The following PDE2A variants were observed in gnomAD, a reference collection of about 807,000 sequenced individuals.
PDE2A encodes cGMP-dependent 3',5'-cyclic phosphodiesterase.
In PDE2A, 53 loss-of-function variants were observed where a neutral mutation model predicts 133.6. The observed-to-expected ratio is 0.40, with a 90% CI of 0.32 to 0.50. PDE2A has a LOEUF of 0.50. PDE2A is among the 20% of genes least tolerant of loss of function. The pLI is 0.73. For missense variants in PDE2A, 796 were observed against 1,232.4 expected, an observed-to-expected ratio of 0.65 and a Z score of 5.30; for synonymous variants, 491 against 490.2, an observed-to-expected ratio of 1.00 and a Z score of -0.02.
intron 1 of PDE2A, among the ~76,000 whole-genome samples, chr11:72,655,783 G>T (rs1023691981): frequency 6.6e-6 from 1 of 152,040 alleles, no homozygotes; most frequent in Non-Finnish European, 1.5e-5. Context: ...GTTACTGTGA[G>T]TGTGTGTGCC....
At chr11:72,673,129 C>A (rs975182277) in intron 1 of PDE2A, among the ~76,000 whole-genome samples, 1 of 152,150 alleles carries the variant, frequency 6.6e-6, no homozygotes, top group Non-Finnish European at 1.5e-5. Flanking sequence ...AATACACACA[C>A]ATAAATGCAC....
At chr11:72,636,451 T>C (rs957357692) in intron 2 of PDE2A, among the ~76,000 whole-genome samples, 1 of 152,218 alleles carries the variant, frequency 6.6e-6, no homozygotes, top group African/African-American at 2.4e-5. Context: ...CAAGTTCCCA[T>C]GTTACAGGTG....
intron 2 of PDE2A, among the ~76,000 whole-genome samples, chr11:72,618,377 C>A (rs1857581334): frequency 6.6e-6 from 1 of 152,220 alleles, no homozygotes; most frequent in Admixed American, 6.5e-5. Context: ...TCCAGAAACC[C>A]CCAGCCCTCT....
intron 27 of PDE2A, 121 bp from the exon 28 acceptor site, chr11:72,579,130 G>A: frequency 1.1e-6 from 1 of 945,808 alleles, no homozygotes; most frequent in Middle Eastern, 2.1e-4. Flanking sequence ...TGGGAGCCAA[G>A]GGGCCAGTGC....
At chr11:72,596,672 T>G (rs946630526) in intron 5 of PDE2A, 24 bp from the exon 6 acceptor site, 1 of 1,404,118 alleles carries the variant, frequency 7.1e-7, no homozygotes, top group Non-Finnish European at 9.4e-7. Context: ...GGCAATGAGG[T>G]GCTCCTGCAG....
intron 2 of PDE2A, among the ~76,000 whole-genome samples, chr11:72,611,635 A>C (rs1391920858): frequency 1.3e-5 from 2 of 152,186 alleles, no homozygotes; most frequent in African/African-American, 4.8e-5. Context: ...AGGGCTTCCC[A>C]TCTGTGCTAG....
intron 26 of PDE2A, 74 bp downstream of exon 26, chr11:72,579,460 C>G: frequency 6.4e-7 from 1 of 1,557,844 alleles, no homozygotes; most frequent in Non-Finnish European, 8.8e-7. Flanking sequence ...AGCCTCCACT[C>G]CTTGGCTCCT....
intron 2 of PDE2A, among the ~76,000 whole-genome samples, chr11:72,637,733 C>A (rs1858765191): frequency 6.6e-6 from 1 of 152,234 alleles, no homozygotes; most frequent in Non-Finnish European, 1.5e-5. Flanking sequence ...GAGGAGCTGG[C>A]TGTGCATTCA....
At chr11:72,581,790 G>T in intron 22 of PDE2A, 87 bp downstream of exon 22, 1 of 1,266,462 alleles carries the variant, frequency 7.9e-7, no homozygotes, top group Non-Finnish European at 1.2e-6. Flanking sequence ...TCCTTAGAGA[G>T]ATCCTCTCCA....
At chr11:72,585,823 A>C (rs1432113602) in intron 14 of PDE2A, among the ~76,000 whole-genome samples, 1 of 152,224 alleles carries the variant, frequency 6.6e-6, no homozygotes, top group African/African-American at 2.4e-5. Flanking sequence ...CCTTCACGCC[A>C]GCTCTAGCTG....
At chr11:72,605,326 G>C (rs900960499) in intron 3 of PDE2A, 100 bp from the exon 4 acceptor site, 3 of 531,614 alleles carry the variant, frequency 5.6e-6, no homozygotes, top group Middle Eastern at 5.6e-4. Flanking sequence ...CATGGAACCT[G>C]TGGGAGTGGA....
At chr11:72,613,864 C>A (rs759737413) in intron 2 of PDE2A, among the ~76,000 whole-genome samples, 1 of 152,162 alleles carries the variant, frequency 6.6e-6, no homozygotes, top group African/African-American at 2.4e-5. Context: ...TATACACAGC[C>A]TCTTATCTTC....
At chr11:72,580,803 C>T in intron 24 of PDE2A, 83 bp downstream of exon 24, 1 of 1,028,858 alleles carries the variant, frequency 9.7e-7, no homozygotes, top group Non-Finnish European at 1.5e-6. Context: ...CTCACTCGCT[C>T]CCACCCATCT....
chr11:72,586,029 G>T, intron 14 of PDE2A, 41 bp downstream of exon 14: 1 of 1,185,534 alleles, frequency 8.4e-7, no homozygotes, highest in Non-Finnish European at 1.2e-6. Flanking sequence ...TGAAAACTGA[G>T]CGAGTCGGTG....
intron 2 of PDE2A, among the ~76,000 whole-genome samples, chr11:72,637,405 C>G (rs1858748288): frequency 6.6e-6 from 1 of 152,272 alleles, no homozygotes; most frequent in South Asian, 2.1e-4. Flanking sequence ...CTCATCTCTT[C>G]CCACCCTCTG....
chr11:72,620,616 A>G (rs1411766309), intron 2 of PDE2A, among the ~76,000 whole-genome samples: 2 of 151,942 alleles, frequency 1.3e-5, no homozygotes, highest in Admixed American at 1.3e-4. Context: ...GCACTTTGAC[A>G]CCTGTGCCTC....
chr11:72,582,688 G>A (rs780576417), intron 20 of PDE2A, 122 bp from the exon 21 acceptor site: 13 of 921,508 alleles, frequency 1.4e-5, no homozygotes, highest in African/African-American at 6.6e-5. Context: ...GGGCCACCAC[G>A]CTGTGGACTG....
At chr11:72,638,842 C>G (rs575861111) in intron 2 of PDE2A, among the ~76,000 whole-genome samples, 3 of 152,322 alleles carry the variant, frequency 2.0e-5, no homozygotes, top group East Asian at 1.9e-4. Context: ...GCTGGAGGCC[C>G]AGGGATGGCT....
chr11:72,577,445 A>G lies in PDE2A; in HGVS notation c.2765T>C (p.Val922Ala). Reference protein sequence around the residue: ...SLDFLDEEYEVPDLDGTRAPI... With the variant: ...SLDFLDEEYEAPDLDGTRAPI... Reference sequence around the variant, plus strand: ...GGCCCTAGTGCCATCCAGATCAGGCACCTCGTACTCCTCATCCAGGAAGTC... The same window carrying G: ...GGCCCTAGTGCCATCCAGATCAGGCGCCTCGTACTCCTCATCCAGGAAGTC... The change falls in exon 31 of 31, where the codon GTG (valine) becomes GCG (alanine). Residue 922 changes from valine to alanine, a missense_variant. Transcript: ENST00000334456. The G allele has an allele frequency of 6.2e-7, 1 of 1,614,008 alleles. No homozygotes were observed. The highest frequency in any genetic ancestry group is 8.5e-7 in the Non-Finnish European group (1 of 1,180,006).
Sources: gnomAD v4.1 joint callset for allele counts (sites outside exome capture counted in the v4.1 genomes callset) on GRCh38, gnomAD v4.1.1 for gene constraint, MANE v1.5 for transcripts, NCBI Gene and HGNC (gene_info 2026-07-23, HGNC 2026-07-21) for gene names.